Variants in XKR9 observed in about 807,000 individuals in gnomAD.
XKR9 encodes XK-related protein 9.
XKR9 carries 32 observed loss-of-function variants against 32.0 expected under a neutral mutation model. That is an observed-to-expected ratio of 1.00 (90% CI 0.76 to 1.34). XKR9 has a LOEUF of 1.34. Among genes scored for constraint, XKR9 ranks in the 40% most tolerant of loss-of-function variants. The pLI is 0.00. For synonymous variants in XKR9, 168 were observed against 143.4 expected, an observed-to-expected ratio of 1.17 and a Z score of -1.22; for missense variants, 546 against 429.7, an observed-to-expected ratio of 1.27 and a Z score of -2.39.
At chr8:70,960,281 G>C in the XKR9 span, among the ~76,000 whole-genome samples, 1 of 151,790 alleles carries the variant, frequency 6.6e-6, no homozygotes, top group Non-Finnish European at 1.5e-5. Flanking sequence ...TTAGGAGTTA[G>C]AGTAGAGGCA....
the XKR9 span, among the ~76,000 whole-genome samples, chr8:70,935,184 C>CAT: frequency 7.2e-4 from 77 of 106,424 alleles, no homozygotes; most frequent in East Asian, 3.3e-3. Context: ...TATGTATATA[C>CAT]ATATATATAT....
the XKR9 span, among the ~76,000 whole-genome samples, chr8:70,947,964 G>A: frequency 6.6e-6 from 1 of 152,190 alleles, no homozygotes; most frequent in African/African-American, 2.4e-5. Flanking sequence ...AGAGCATGGT[G>A]AAAGTTAATT....
At chr8:70,888,169 T>A in the XKR9 span, among the ~76,000 whole-genome samples, 3 of 152,086 alleles carry the variant, frequency 2.0e-5, no homozygotes, top group African/African-American at 7.2e-5. Flanking sequence ...CTAGCTGTAC[T>A]TTTGAATCTG....
chr8:70,922,209 C>G, the XKR9 span, among the ~76,000 whole-genome samples: 1 of 152,226 alleles, frequency 6.6e-6, no homozygotes, highest in South Asian at 2.1e-4. Flanking sequence ...TCTCTTTTCT[C>G]CCTTCCTGAT....
chr8:70,782,263 T>C (rs1238385379), intron 2 of XKR9, among the ~76,000 whole-genome samples: 1 of 152,216 alleles, frequency 6.6e-6, no homozygotes, highest in Non-Finnish European at 1.5e-5. Flanking sequence ...CATTTTATTT[T>C]TATTTTTTAT....
chr8:70,879,104 C>A, the XKR9 span, among the ~76,000 whole-genome samples: 1 of 152,032 alleles, frequency 6.6e-6, no homozygotes, highest in South Asian at 2.1e-4. Context: ...TCTTTGAAAC[C>A]AATGAGAACA....
chr8:71,020,500 A>G, the XKR9 span, among the ~76,000 whole-genome samples: 1 of 152,220 alleles, frequency 6.6e-6, no homozygotes, highest in Non-Finnish European at 1.5e-5. Context: ...ACCTCTGTCA[A>G]TAAACATCAT....
the XKR9 span, among the ~76,000 whole-genome samples, chr8:70,838,458 A>C: frequency 6.6e-6 from 1 of 152,064 alleles, no homozygotes; most frequent in Non-Finnish European, 1.5e-5. Flanking sequence ...GAATCCTTAT[A>C]ATGTGTCAGG....
chr8:70,738,255 G>T (rs1302866723), downstream of XKR9, among the ~76,000 whole-genome samples: 4 of 142,886 alleles, frequency 2.8e-5, no homozygotes, highest in Non-Finnish European at 6.3e-5. Flanking sequence ...GTTTATTTGT[G>T]TAGAGGTGTT....
chr8:70,670,735 T>C (rs1357890028), intron 1 of XKR9: 3 of 152,182 alleles, frequency 2.0e-5, no homozygotes, highest in Admixed American at 2.0e-4. Flanking sequence ...AAATCATCGC[T>C]GAAATAATCA....
chr8:70,902,063 G>A, the XKR9 span, among the ~76,000 whole-genome samples: 1 of 152,174 alleles, frequency 6.6e-6, no homozygotes, highest in African/African-American at 2.4e-5. Context: ...TAGCCTTGTA[G>A]TATAGTTTGA....
At chr8:70,772,041 A>G (rs534791312) in intron 2 of XKR9, among the ~76,000 whole-genome samples, 3 of 152,364 alleles carry the variant, frequency 2.0e-5, no homozygotes, top group South Asian at 2.1e-4. Context: ...GAATACTTTT[A>G]TAGTTAAATT....
chr8:70,831,290 CA>C, the XKR9 span, among the ~76,000 whole-genome samples: 47,461 of 104,744 alleles, frequency 0.45, 6,700 homozygotes, highest in Admixed American at 0.51. Flanking sequence ...GACTCTGTCT[CA>C]AAAAAAAAAA....
intron 2 of XKR9, among the ~76,000 whole-genome samples, chr8:70,775,912 G>A (rs937077693): frequency 6.6e-6 from 1 of 151,824 alleles, no homozygotes; most frequent in Non-Finnish European, 1.5e-5. Flanking sequence ...GTTCGGTTAA[G>A]TTTTAAATTT....
At chr8:70,676,957 A>T (rs1487068840) in intron 2 of XKR9, among the ~76,000 whole-genome samples, 1 of 152,172 alleles carries the variant, frequency 6.6e-6, no homozygotes, top group Non-Finnish European at 1.5e-5. Flanking sequence ...CACATATGGA[A>T]TACTGAAGTA....
At chr8:70,771,167 G>C (rs758866437) in intron 2 of XKR9, among the ~76,000 whole-genome samples, 5 of 152,156 alleles carry the variant, frequency 3.3e-5, no homozygotes, top group Non-Finnish European at 7.4e-5. Flanking sequence ...CTAGGGGACG[G>C]AGTTCCCTGA....
At chr8:70,822,090 G>A in the XKR9 span, among the ~76,000 whole-genome samples, 84 of 152,072 alleles carry the variant, frequency 5.5e-4, no homozygotes, top group Middle Eastern at 0.01. Flanking sequence ...ATATTTGCAG[G>A]AATATTGTAT....
the XKR9 span, among the ~76,000 whole-genome samples, chr8:70,899,209 G>C: frequency 6.6e-6 from 1 of 152,070 alleles, no homozygotes; most frequent in African/African-American, 2.4e-5. Flanking sequence ...TGCTGTGTCT[G>C]TGCATGCTTT....
chr8:70,748,940 G>T (rs1012429573), intron 2 of XKR9, among the ~76,000 whole-genome samples: 1 of 152,112 alleles, frequency 6.6e-6, no homozygotes, highest in African/African-American at 2.4e-5. Context: ...TCTTCAGGAT[G>T]ACCTGCCTGC....
Sources: gnomAD v4.1 joint callset for allele counts (sites outside exome capture counted in the v4.1 genomes callset) on GRCh38, gnomAD v4.1.1 for gene constraint, MANE v1.5 for transcripts, NCBI Gene and HGNC (gene_info 2026-07-23, HGNC 2026-07-21) for gene names.